Variants in AGBL4 observed in about 807,000 individuals in gnomAD.
AGBL4 encodes the protein AGBL carboxypeptidase 4.
AGBL4 carries 58 observed loss-of-function variants against 66.4 expected under a neutral mutation model. The ratio of observed to expected loss-of-function variants is 0.87; its 90% CI spans 0.71 to 1.09. AGBL4 has a LOEUF of 1.09. AGBL4 is among the 50% of genes least tolerant of loss of function. The pLI is 0.00. For missense variants in AGBL4, 579 were observed against 631.0 expected, an observed-to-expected ratio of 0.92 and a Z score of 0.88; for synonymous variants, 234 against 222.9, an observed-to-expected ratio of 1.05 and a Z score of -0.44.
intron 1 of AGBL4, among the ~76,000 whole-genome samples, chr1:49,853,219 T>C (rs1007467257): frequency 6.6e-6 from 1 of 152,118 alleles, no homozygotes; most frequent in African/African-American, 2.4e-5. Flanking sequence ...TAAAGCTTAA[T>C]ATGTTAAAGG....
At chr1:49,796,146 A>G (rs1416636450) in intron 2 of AGBL4, among the ~76,000 whole-genome samples, 1 of 151,960 alleles carries the variant, frequency 6.6e-6, no homozygotes, top group East Asian at 1.9e-4. Flanking sequence ...AAGCAGAATA[A>G]CAAATATTAA....
chr1:49,471,330 C>A (rs1342500209), intron 3 of AGBL4, among the ~76,000 whole-genome samples: 1 of 152,002 alleles, frequency 6.6e-6, no homozygotes, highest in Non-Finnish European at 1.5e-5. Flanking sequence ...CTCATTTACA[C>A]TGCATTCAGA....
At position 48,621,593 on chromosome 1, in the gene AGBL4, C is replaced by T. The variant is rs547825326; in HGVS notation, c.951+12900G>A. On this transcript the variant is annotated intron_variant, in intron 9 of 13. Coordinates refer to ENST00000371839, the MANE Select transcript of AGBL4 (RefSeq NM_032785.4). ...ATCTAGTTTACATCCATTCTTTTTG[C>T]GTATGTTTTAAACCTAGTTGTTATA... Among the ~76,000 whole-genome samples, 237 of 152,200 alleles carry T rather than the reference C, an allele frequency of 1.6e-3. 1 individual carries two copies. Among genetic ancestry groups the T allele is most frequent in the Non-Finnish European group, 2.8e-3 (189 of 67,994 alleles).
intron 4 of AGBL4, among the ~76,000 whole-genome samples, chr1:49,183,786 C>T (rs1464105086): frequency 1.3e-5 from 2 of 152,132 alleles, no homozygotes; most frequent in Admixed American, 6.5e-5. Flanking sequence ...GTTTAGATAG[C>T]TCTTATATTA....
intron 11 of AGBL4, among the ~76,000 whole-genome samples, chr1:48,564,529 C>T (rs535221976): frequency 6.6e-6 from 1 of 152,182 alleles, no homozygotes; most frequent in Non-Finnish European, 1.5e-5. Context: ...CTGTTCATCT[C>T]TGTGCCTTTC....
intron 3 of AGBL4, among the ~76,000 whole-genome samples, chr1:49,292,902 C>T (rs1016754607): frequency 4.6e-5 from 7 of 152,202 alleles, no homozygotes; most frequent in Admixed American, 1.3e-4. Context: ...GATAAGAACT[C>T]GGAACCTGTT....
At chr1:48,837,707 C>T (rs1451029439) in intron 6 of AGBL4, among the ~76,000 whole-genome samples, 1,944 of 79,846 alleles carry the variant, frequency 0.024, 23 homozygotes, top group Non-Finnish European at 0.036. Flanking sequence ...CGCACACACA[C>T]ACACTATATA....
At chr1:49,441,605 T>TAAA (rs2148668940) in intron 3 of AGBL4, among the ~76,000 whole-genome samples, 1 of 152,222 alleles carries the variant, frequency 6.6e-6, no homozygotes, top group Non-Finnish European at 1.5e-5. Flanking sequence ...GAGAAATAGA[T>TAAA]TTGTGAGGGC....
intron 1 of AGBL4, among the ~76,000 whole-genome samples, chr1:49,857,466 C>T (rs1646463760): frequency 6.6e-6 from 1 of 152,102 alleles, no homozygotes; most frequent in South Asian, 2.1e-4. Context: ...TACCATACTT[C>T]ATATGCCAAA....
At chr1:48,789,194 C>A (rs1645478279) in intron 6 of AGBL4, among the ~76,000 whole-genome samples, 1 of 152,116 alleles carries the variant, frequency 6.6e-6, no homozygotes, top group Non-Finnish European at 1.5e-5. Flanking sequence ...TCTTGGAACA[C>A]TGCTTGTCAT....
intron 3 of AGBL4, among the ~76,000 whole-genome samples, chr1:49,673,152 G>C (rs1646514076): frequency 6.6e-6 from 1 of 152,222 alleles, no homozygotes; most frequent in Non-Finnish European, 1.5e-5. Context: ...GCCTTTGAAA[G>C]AGTTGCAGTA....
intron 4 of AGBL4, among the ~76,000 whole-genome samples, chr1:49,230,792 T>C (rs775189352): frequency 6.6e-6 from 1 of 152,242 alleles, no homozygotes; most frequent in Non-Finnish European, 1.5e-5. Context: ...CTGGGTTTTA[T>C]AATGTGCTAT....
downstream of AGBL4, among the ~76,000 whole-genome samples, chr1:48,528,021 G>A (rs896088272): frequency 6.6e-6 from 1 of 152,174 alleles, no homozygotes; most frequent in Non-Finnish European, 1.5e-5. Context: ...AATGGTGGGA[G>A]TGGCTAGGAG....
chr1:48,830,007 A>G (rs553517728), intron 6 of AGBL4, among the ~76,000 whole-genome samples: 1 of 152,274 alleles, frequency 6.6e-6, no homozygotes, highest in East Asian at 1.9e-4. Flanking sequence ...ACTCAACTCA[A>G]GGCTTGGTAC....
At chr1:49,033,310 G>C (rs763278013) in intron 5 of AGBL4, among the ~76,000 whole-genome samples, 1 of 152,120 alleles carries the variant, frequency 6.6e-6, no homozygotes, top group Non-Finnish European at 1.5e-5. Flanking sequence ...GAACTCTACT[G>C]AGAGGTGGAT....
chr1:49,276,203 C>G (rs1644164630), intron 3 of AGBL4, among the ~76,000 whole-genome samples: 1 of 151,954 alleles, frequency 6.6e-6, no homozygotes, highest in African/African-American at 2.4e-5. Flanking sequence ...TTTAACCAAA[C>G]TAATCTATTA....
intron 1 of AGBL4, among the ~76,000 whole-genome samples, chr1:49,951,746 G>A (rs1366021586): frequency 4.6e-5 from 7 of 151,758 alleles, no homozygotes; most frequent in African/African-American, 1.2e-4. Context: ...GTATCAATTC[G>A]TTTTATTTAA....
chr1:48,776,548 C>T (rs987633746), intron 6 of AGBL4: 3 of 1,274,594 alleles, frequency 2.4e-6, no homozygotes, highest in African/African-American at 1.6e-5. Context: ...CCCCCGGCCC[C>T]TCCCGGGGTC....
chr1:48,911,132 A>G (rs536257887), intron 5 of AGBL4, among the ~76,000 whole-genome samples: 38 of 152,284 alleles, frequency 2.5e-4, no homozygotes, highest in African/African-American at 8.7e-4. Flanking sequence ...TGAAAATTCT[A>G]TTCTCCCATT....
Sources: allele counts gnomAD v4.1 joint callset (sites outside exome capture counted in the v4.1 genomes callset), GRCh38; gene constraint gnomAD v4.1.1; transcripts MANE v1.5; gene names NCBI Gene and HGNC (gene_info 2026-07-23, HGNC 2026-07-21).